Variants in DNAH14 observed in about 807,000 individuals in gnomAD.
DNAH14 encodes the protein dynein axonemal heavy chain 14.
DNAH14 carries 478 observed loss-of-function variants against 520.9 expected under a neutral mutation model. That is an observed-to-expected ratio of 0.92 (90% confidence interval 0.85 to 0.99). The LOEUF (loss-of-function observed/expected upper bound fraction) is 0.99, where lower values mean the gene tolerates loss of function less well. Ranked by LOEUF, DNAH14 falls within the 50% of genes least tolerant of loss-of-function variation. The pLI is 0.00. For missense variants in DNAH14, 4,831 were observed against 5,234.5 expected (o/e 0.92, Z 2.38); for synonymous variants, 1,581 against 1,757.2 (o/e 0.90, Z 2.51).
At chr1:225,090,154 T>C (rs1425196080) in intron 21 of DNAH14, among the ~76,000 whole-genome samples, 2 of 152,096 alleles carry the variant, frequency 1.3e-5, no homozygotes, top group African/African-American at 2.4e-5. Flanking sequence ...TATACTGGCA[T>C]TGAGAAATAG....
At chr1:225,061,943 A>T (rs568787326) in intron 17 of DNAH14, among the ~76,000 whole-genome samples, 1 of 152,224 alleles carries the variant, frequency 6.6e-6, no homozygotes, top group Non-Finnish European at 1.5e-5. Context: ...TGATCTAGCC[A>T]TGATGGAGAA....
rs550132270 is a variant in DNAH14, at chr1:224,938,438, C to T, written c.-34+8603C>T. On this transcript the variant is annotated intron_variant, in intron 1 of 85. Coordinates refer to ENST00000682510, the MANE Select transcript of DNAH14 (RefSeq NM_001367479.1). ...CAAATGGCCAAAAGGCATATGAAAA[C>T]GTGTTTGACATTGCTAATAATCAAA... Among the ~76,000 whole-genome samples the T allele has an allele frequency of 6.8e-5, 10 of 147,278 alleles. No individual in the cohort carries two copies. In the South Asian group the frequency reaches 1.9e-3, roughly 27 times the overall value.
At chr1:225,024,060 C>A (rs918173364) in intron 11 of DNAH14, 195 bp downstream of exon 11, 2 of 1,203,586 alleles carry the variant, frequency 1.7e-6, no homozygotes, top group Non-Finnish European at 2.1e-6. Context: ...CTATAGGATG[C>A]GCAGTAAAAT....
At chr1:225,078,779 T>C (rs570757682) in intron 17 of DNAH14, among the ~76,000 whole-genome samples, 2 of 28,880 alleles carry the variant, frequency 6.9e-5, no homozygotes, top group South Asian at 2.2e-3. Context: ...TCTCTCTCTC[T>C]CTCTCTCTCT....
At chr1:225,139,573 A>T (rs767866790) in intron 27 of DNAH14, among the ~76,000 whole-genome samples, 2 of 152,234 alleles carry the variant, frequency 1.3e-5, no homozygotes, top group Non-Finnish European at 2.9e-5. Flanking sequence ...GTCCGCATGC[A>T]TTGGCCACTG....
chr1:225,352,996 C>G (rs1431550742), intron 72 of DNAH14, among the ~76,000 whole-genome samples: 2 of 151,870 alleles, frequency 1.3e-5, no homozygotes, highest in Admixed American at 6.6e-5. Context: ...CTTTATTGAC[C>G]CTTTTTGTAA....
At chr1:225,365,456 G>A (rs2095540976) in intron 76 of DNAH14, among the ~76,000 whole-genome samples, 1 of 152,136 alleles carries the variant, frequency 6.6e-6, no homozygotes, top group African/African-American at 2.4e-5. Flanking sequence ...TCCCGATCAC[G>A]TGCACACTAC....
At chr1:224,979,327 G>C (rs2062094050) in intron 8 of DNAH14, among the ~76,000 whole-genome samples, 1 of 152,154 alleles carries the variant, frequency 6.6e-6, no homozygotes, top group South Asian at 2.1e-4. Flanking sequence ...ACTTAGAGGA[G>C]GGAGAGTGCA....
intron 11 of DNAH14, chr1:225,024,540 TA>T (rs1326771032): frequency 6.6e-6 from 1 of 152,446 alleles, no homozygotes; most frequent in Non-Finnish European, 1.5e-5. Context: ...TATCAAAATT[TA>T]ATAATATTTT....
chr1:225,344,391 T>G (rs1220645064), intron 69 of DNAH14, among the ~76,000 whole-genome samples: 1 of 152,188 alleles, frequency 6.6e-6, no homozygotes, highest in East Asian at 1.9e-4. Context: ...CTCACTACCC[T>G]CTAATCGGTT....
intron 34 of DNAH14, among the ~76,000 whole-genome samples, chr1:225,155,234 C>T (rs1389016380): frequency 6.6e-6 from 1 of 151,834 alleles, no homozygotes; most frequent in East Asian, 1.9e-4. Context: ...TATTCATGTA[C>T]TGCCTATTTA....
intron 17 of DNAH14, among the ~76,000 whole-genome samples, chr1:225,074,613 G>A (rs60489231): frequency 0.028 from 4,200 of 152,256 alleles, 173 homozygotes; most frequent in African/African-American, 0.095. Flanking sequence ...GAACACCAGC[G>A]GGGTGGCTGG....
At chr1:225,334,420 C>T (rs909208968) in intron 66 of DNAH14, among the ~76,000 whole-genome samples, 2 of 151,958 alleles carry the variant, frequency 1.3e-5, no homozygotes, top group Non-Finnish European at 2.9e-5. Context: ...CACATGAGCC[C>T]AAGAGATCAA....
In DNAH14 at chr1:225,219,033, A is replaced by T. The variant is rs1365164034; in HGVS notation, c.6439+11813A>T. 2.6e-5 allele frequency among the ~76,000 whole-genome samples: 4 copies of T among 152,182 alleles called. No individual in the cohort carries two copies. In the East Asian group the frequency reaches 7.7e-4, roughly 29 times the overall value. On this transcript the variant is annotated intron_variant, in intron 41 of 85. Coordinates refer to ENST00000682510, the MANE Select transcript of DNAH14 (RefSeq NM_001367479.1). ...AACCACACAACTACATGGAAACTGAACAACCTGCTTCTGAACGACTACTGG... is the reference window on the plus strand; with the variant it reads ...AACCACACAACTACATGGAAACTGATCAACCTGCTTCTGAACGACTACTGG...
intron 62 of DNAH14, 113 bp downstream of exon 62, chr1:225,322,936 A>C: frequency 8.8e-7 from 1 of 1,133,500 alleles, no homozygotes; most frequent in Non-Finnish European, 1.2e-6. Flanking sequence ...TTTTCTAGGA[A>C]AATAGCTCTA....
chr1:225,384,192 G>T (rs2095813176), intron 81 of DNAH14, among the ~76,000 whole-genome samples: 1 of 152,216 alleles, frequency 6.6e-6, no homozygotes, highest in Non-Finnish European at 1.5e-5. Context: ...GCGATGTGGT[G>T]CTGAGAAGAA....
In DNAH14 at chr1:225,307,452, T is replaced by G; in HGVS notation, c.9006-9T>G. The G allele has an allele frequency of 6.6e-7, 1 of 1,515,300 alleles. No individual in the cohort carries two copies. The highest frequency in any genetic ancestry group is 8.9e-7 in the Non-Finnish European group (1 of 1,129,090). The allele number at this position is 1,515,300 out of a possible 1,614,324, so 93.9% of individuals were successfully genotyped here. ...TCTTACACCTTCTTAATACTTTTTC[T>G]TCCTTCAGGGATCGCTTCCATATGG... is the stretch of plus-strand genomic sequence containing the variant. On this transcript the variant is annotated splice_polypyrimidine_tract_variant and intron_variant, in intron 58 of 85. Coordinates refer to ENST00000682510, the MANE Select transcript of DNAH14 (RefSeq NM_001367479.1).
At chr1:225,223,432 G>A (rs1464924346) in intron 41 of DNAH14, among the ~76,000 whole-genome samples, 1 of 152,072 alleles carries the variant, frequency 6.6e-6, no homozygotes, top group Non-Finnish European at 1.5e-5. Context: ...ACCTTTAAAG[G>A]GAGACAAGTT....
At chr1:225,265,694 GGA>G (rs1030349156) in intron 48 of DNAH14, among the ~76,000 whole-genome samples, 2 of 152,022 alleles carry the variant, frequency 1.3e-5, no homozygotes, top group African/African-American at 4.8e-5. Context: ...CCATGGCTTG[GGA>G]CTCTAAGAGT....
Sources: gnomAD v4.1 joint callset for allele counts (sites outside exome capture counted in the v4.1 genomes callset) on GRCh38, gnomAD v4.1.1 for gene constraint, MANE v1.5 for transcripts, NCBI Gene and HGNC (gene_info 2026-07-23, HGNC 2026-07-21) for gene names.